Variants in TRAF3IP2 observed in about 807,000 individuals in gnomAD.
TRAF3IP2 encodes TRAF3 interacting protein 2.
In TRAF3IP2, 35 loss-of-function variants were observed where a neutral mutation model predicts 57.9. The observed-to-expected ratio is 0.60, with a 90% CI of 0.46 to 0.80. The LOEUF (loss-of-function observed/expected upper bound fraction) is 0.80. TRAF3IP2 is among the 30% of genes least tolerant of loss of function. The pLI, the probability that TRAF3IP2 is intolerant of heterozygous loss-of-function variation, is 0.00. For synonymous variants in TRAF3IP2, 251 were observed against 268.9 expected, an observed-to-expected ratio of 0.93 and a Z score of 0.65; for missense variants, 556 against 706.4, an observed-to-expected ratio of 0.79 and a Z score of 2.41.
In TRAF3IP2 at chr6:111,580,351, T is replaced by C. The variant is rs773319517; in HGVS notation, c.868A>G (p.Ile290Val). 5.0e-6 allele frequency: 8 copies of C among 1,589,302 alleles called. No individual in the cohort carries two copies. The South Asian group carries it at 8.0e-5, about 16-fold the overall frequency. ...DYPRAAYQQV[I>V]QPALPGQPLP... ...GGCTGCCCAGGCAGAGCCGGCTGGA[T>C]CACTTGCTGGTAGGCTGCTCGAGGG... The change falls in exon 3 of 9, where the codon ATC becomes GTC. Residue 290 changes from isoleucine (I) to valine (V), a missense_variant. Physicochemically the swap from Ile to Val is conservative, Grantham distance 29. Around this residue, in one of 2 missense-constraint regions of TRAF3IP2, gnomAD observed 428 missense variants for 498.7 expected, o/e 0.86. Transcript: ENST00000368761.
At chr6:111,571,142 C>A (rs1795817250) in intron 5 of TRAF3IP2, among the ~76,000 whole-genome samples, 1 of 148,572 alleles carries the variant, frequency 6.7e-6, no homozygotes, top group Admixed American at 6.7e-5. Flanking sequence ...GTGGCGAGAT[C>A]TCGGCTCACT....
intron 1 of TRAF3IP2, among the ~76,000 whole-genome samples, chr6:111,599,183 C>A (rs1467331484): frequency 6.6e-6 from 1 of 150,778 alleles, no homozygotes; most frequent in Non-Finnish European, 1.5e-5. Flanking sequence ...GCTGAGATTA[C>A]AGGCATGAGC....
At position 111,567,272 on chromosome 6, in the gene TRAF3IP2, A is replaced by C. The variant is rs187638041; in HGVS notation, c.1359+352T>G. 48 of 1,035,386 alleles carry C rather than the reference A, an allele frequency of 4.6e-5. No homozygotes were observed. The African/African-American group carries it at 7.7e-4, about 17-fold the overall frequency. 64.1% of individuals were successfully genotyped at this position (1,035,386 alleles called of 1,614,324 possible). On this transcript the variant is annotated intron_variant, in intron 6 of 8. Transcript: ENST00000368761. ...GCTGCCTAGGAAACCTCTTCAGCCC[A>C]ATTCTACAAAACACTTGGGGTGGCC... is the stretch of plus-strand genomic sequence containing the variant.
At chr6:111,596,901 G>T (rs1449276030) in intron 1 of TRAF3IP2, among the ~76,000 whole-genome samples, 3 of 152,166 alleles carry the variant, frequency 2.0e-5, no homozygotes, top group Non-Finnish European at 2.9e-5. Context: ...CTGGCCTGGG[G>T]GCATGATTTT....
chr6:111,570,852 C>T (rs1795807410), intron 5 of TRAF3IP2, among the ~76,000 whole-genome samples: 1 of 152,048 alleles, frequency 6.6e-6, no homozygotes, highest in Non-Finnish European at 1.5e-5. Context: ...AGGCACGCAC[C>T]ACCACACCCA....
intron 2 of TRAF3IP2, among the ~76,000 whole-genome samples, chr6:111,582,257 C>G (rs1562428629): frequency 1.3e-5 from 2 of 152,202 alleles, no homozygotes; most frequent in South Asian, 2.1e-4. Context: ...CACCTGGGTC[C>G]TTCCAGTCAT....
rs1331342582 is a variant in TRAF3IP2, at chr6:111,605,810, G to A, written c.-43C>T. The A allele has an allele frequency of 6.6e-6, 1 of 152,194 alleles. No individual in the cohort carries two copies. Among genetic ancestry groups the A allele is most frequent in the African/African-American group, 2.4e-5 (1 of 41,440 alleles). 9.4% of individuals were successfully genotyped at this position (152,194 alleles called of 1,614,324 possible). A position where few individuals can be genotyped will look rare whatever the true frequency, so the allele number is the denominator to read the frequency against. The stretch of plus-strand genomic sequence containing the variant: ...ACCACGGACAGACAGACTGGGCCCG[G>A]AGGGTAGTCGGCTCTCGGCGGCTTC... On this transcript the variant is annotated 5_prime_UTR_variant, in exon 1 of 9. Coordinates refer to ENST00000368761, the MANE Select transcript of TRAF3IP2 (RefSeq NM_147686.4).
intron 3 of TRAF3IP2, among the ~76,000 whole-genome samples, chr6:111,579,357 A>AACTGAAGT (rs1796089869): frequency 2.0e-5 from 3 of 150,890 alleles, no homozygotes; most frequent in Non-Finnish European, 4.4e-5. Context: ...AGAGTTAGAC[A>AACTGAAGT]ACTGAAGTCA....
chr6:111,602,918 TC>T (rs1264912712), intron 1 of TRAF3IP2, among the ~76,000 whole-genome samples: 2 of 151,984 alleles, frequency 1.3e-5, no homozygotes, highest in East Asian at 3.9e-4. Flanking sequence ...GGCTGGGAGC[TC>T]CGGTCAGTCC....
At chr6:111,571,676 C>G (rs796810323) in intron 5 of TRAF3IP2, among the ~76,000 whole-genome samples, 30 of 152,110 alleles carry the variant, frequency 2.0e-4, no homozygotes, top group African/African-American at 7.2e-4. Context: ...CCTGTAATCC[C>G]AGCACTTTGG....
chr6:111,605,252 C>G (rs889478974), intron 1 of TRAF3IP2, among the ~76,000 whole-genome samples: 2 of 152,224 alleles, frequency 1.3e-5, no homozygotes, highest in Non-Finnish European at 2.9e-5. Flanking sequence ...GGAGAGGGGC[C>G]GGGAGGCGGC....
chr6:111,597,731 A>C, intron 1 of TRAF3IP2: 1 of 410,358 alleles, frequency 2.4e-6, no homozygotes, highest in Non-Finnish European at 4.9e-6. Context: ...CTGGGGACAG[A>C]GGTGAGTCCT....
intron 2 of TRAF3IP2, among the ~76,000 whole-genome samples, chr6:111,585,416 G>A (rs1796297202): frequency 6.6e-6 from 1 of 151,942 alleles, no homozygotes; most frequent in Admixed American, 6.6e-5. Context: ...TCCCCAGGAA[G>A]TAGAGAACAG....
Position 111,573,286 on chromosome 6 carries a change from G to A in TRAF3IP2, c.1202-303C>T, listed in dbSNP as rs112053763. On this transcript the variant is annotated intron_variant, in intron 4 of 8. Transcript: ENST00000368761. ...TAAGGAAATCCACCACCCAGAATCC[G>A]CGAGCCCTTAAGATCAGGCATGACT... is the stretch of plus-strand genomic sequence containing the variant. Among the ~76,000 whole-genome samples, 1,095 of 152,210 alleles carry A rather than the reference G, an allele frequency of 7.2e-3. 9 individuals carry two copies. Among genetic ancestry groups the A allele is most frequent in the African/African-American group, 0.025 (1,027 of 41,516 alleles).
chr6:111,563,145 A>G (rs777214196), intron 7 of TRAF3IP2, 106 bp from the exon 8 acceptor site: 2 of 784,180 alleles, frequency 2.6e-6, no homozygotes, highest in Non-Finnish European at 4.3e-6. Flanking sequence ...TGATTTCCAT[A>G]CTTGAGTGCC....
chr6:111,591,605 T>TG lies in TRAF3IP2; in HGVS notation c.481dup (p.Gln161ProfsTer5). ...GTCTGCTGAGGCATTAGGTAAACTT[T>TG]GGTCTGATTTGTCTGAGTCATGGCC... On this transcript the variant is annotated frameshift_variant, in exon 2 of 9. Coordinates refer to ENST00000368761, the MANE Select transcript of TRAF3IP2 (RefSeq NM_147686.4). LOFTEE classifies it high-confidence loss of function. This position sits in a 1 kb window ranked among gnomAD's most constrained non-coding sequence, Gnocchi z 4.9. 2 of 1,614,256 alleles carry TG rather than the reference T, an allele frequency of 1.2e-6. No homozygotes were observed. The highest frequency in any genetic ancestry group is 1.7e-6 in the Non-Finnish European group (2 of 1,180,048).
chr6:111,596,632 T>A (rs1796699656), intron 1 of TRAF3IP2, among the ~76,000 whole-genome samples: 1 of 152,180 alleles, frequency 6.6e-6, no homozygotes, highest in Non-Finnish European at 1.5e-5. Flanking sequence ...TTTTGTATTT[T>A]TAGTAGAGAC....
intron 4 of TRAF3IP2, chr6:111,574,553 ATT>A (rs2128375139): frequency 6.6e-6 from 1 of 152,346 alleles, no homozygotes; most frequent in East Asian, 1.9e-4. Context: ...CTTAGTTTGC[ATT>A]TGGTTGTGAT....
At chr6:111,582,858 C>T (rs930667407) in intron 2 of TRAF3IP2, among the ~76,000 whole-genome samples, 2 of 152,190 alleles carry the variant, frequency 1.3e-5, no homozygotes, top group Non-Finnish European at 2.9e-5. Flanking sequence ...GCTCTGGCTT[C>T]ATTTTGAATA....
Sources: gnomAD v4.1 joint callset for allele counts (sites outside exome capture counted in the v4.1 genomes callset) on GRCh38, gnomAD v4.1.1 for gene constraint, gnomAD v4.1.1 regional missense constraint, Gnocchi (gnomAD v3.1) non-coding constraint, MANE v1.5 for transcripts, NCBI Gene and HGNC (gene_info 2026-07-23, HGNC 2026-07-21) for gene names.